The following SP4 variants were observed in gnomAD, a reference collection of about 807,000 sequenced individuals.
SP4 encodes the protein transcription factor Sp4.
SP4 carries 19 observed loss-of-function variants against 72.8 expected under a neutral mutation model. The ratio of observed to expected loss-of-function variants is 0.26; its 90% confidence interval spans 0.18 to 0.38. The LOEUF (loss-of-function observed/expected upper bound fraction) is 0.38. SP4 is among the 10% of genes least tolerant of loss of function. The probability of loss-of-function intolerance (pLI) is 1.00; values close to 1 mark genes in which losing one functional copy is unlikely to be tolerated. For synonymous variants in SP4, 395 were observed against 333.1 expected, an observed-to-expected ratio of 1.19 and a Z score of -2.02; for missense variants, 1,008 against 926.3, an observed-to-expected ratio of 1.09 and a Z score of -1.14.
intron 1 of SP4, 99 bp from the exon 2 acceptor site, chr7:21,428,578 T>C: frequency 8.9e-7 from 1 of 1,119,244 alleles, no homozygotes; most frequent in Non-Finnish European, 1.3e-6. Flanking sequence ...TGGAGATTAA[T>C]GTTCGGGGGG....
chr7:21,466,784 C>G (rs7779717), intron 3 of SP4, among the ~76,000 whole-genome samples: 1,795 of 149,174 alleles, frequency 0.012, 35 homozygotes, highest in African/African-American at 0.042. Flanking sequence ...ATTTTCAAAT[C>G]TAGGATTTTT....
rs376059823 is a variant in SP4, at chr7:21,461,674, GC to G, written c.1679-15402del. The stretch of plus-strand genomic sequence containing the variant: ...AGGGAGCCAGCTGCAGCCTCGGCCA[GC>G]CCGGAGAAGGGCTCCCACGATGCAG... On this transcript the variant is annotated intron_variant, in intron 3 of 5. Coordinates refer to ENST00000222584, the MANE Select transcript of SP4 (RefSeq NM_003112.5). 1.1e-3 allele frequency among the ~76,000 whole-genome samples: 161 copies of G among 152,316 alleles called. 1 individual carries two copies. The highest frequency in any genetic ancestry group is 3.8e-3 in the African/African-American group (156 of 41,588).
rs2128418649 is a variant in SP4 at position 21,514,098 on chromosome 7, C to T, written c.*2829C>T. 6.6e-6 allele frequency: 1 copy of T among 152,644 alleles called. No homozygotes were observed. Among genetic ancestry groups the T allele is most frequent in the East Asian group, 1.9e-4 (1 of 5,190 alleles). The allele number at this position is 152,644 out of a possible 1,614,324, so 9.5% of individuals were successfully genotyped here. ...AAGCTATGTATTTATCATGGTAAAA[C>T]TCCAGTGTTAGAATAGTTTTTTCTT... On this transcript the variant is annotated 3_prime_UTR_variant, in exon 6 of 6. Coordinates refer to ENST00000222584, the MANE Select transcript of SP4 (RefSeq NM_003112.5).
At chr7:21,464,095 T>C (rs1784084691) in intron 3 of SP4, among the ~76,000 whole-genome samples, 1 of 151,576 alleles carries the variant, frequency 6.6e-6, no homozygotes, top group Non-Finnish European at 1.5e-5. Flanking sequence ...TTCTTATATC[T>C]GATTCATTCC....
At chr7:21,470,358 G>A (rs1784296978) in intron 3 of SP4, among the ~76,000 whole-genome samples, 1 of 152,130 alleles carries the variant, frequency 6.6e-6, no homozygotes, top group Admixed American at 6.5e-5. Context: ...GAGTGAGATG[G>A]TGTCTTACTA....
At chr7:21,453,196 A>G (rs1467047535) in intron 3 of SP4, among the ~76,000 whole-genome samples, 2 of 152,236 alleles carry the variant, frequency 1.3e-5, no homozygotes, top group Non-Finnish European at 2.9e-5. Context: ...CTATTAGTTC[A>G]GTCCATGCAG....
intron 5 of SP4, among the ~76,000 whole-genome samples, chr7:21,505,790 T>TA (rs1317545729): frequency 6.6e-6 from 1 of 152,198 alleles, no homozygotes; most frequent in East Asian, 1.9e-4. Context: ...TGGAGTATTG[T>TA]AACATGCAGG....
chr7:21,511,125 A>T lies in SP4; in HGVS notation c.2211A>T (p.Thr737=). Residue 737 remains threonine, a synonymous_variant, in exon 6 of 6, where the codon ACA becomes ACT. Transcript: ENST00000222584. Reference sequence around the variant, plus strand: ...ACCAGAATAAAAAAGGTGGTGGGACAGCTCTTGCCATTGTTACCTCGGGAG... The same window carrying T: ...ACCAGAATAAAAAAGGTGGTGGGACTGCTCTTGCCATTGTTACCTCGGGAG... The part of the protein sequence containing the change: ...KTHQNKKGGG[T]ALAIVTSGEL... 1 of 1,614,224 alleles carries T rather than the reference A, an allele frequency of 6.2e-7. No individual in the cohort carries two copies. The highest frequency in any genetic ancestry group is 8.5e-7 in the Non-Finnish European group (1 of 1,180,028).
chr7:21,496,449 C>G (rs1477247705), intron 5 of SP4, among the ~76,000 whole-genome samples: 1 of 152,144 alleles, frequency 6.6e-6, no homozygotes, highest in Non-Finnish European at 1.5e-5. Context: ...GCCAAAGGGA[C>G]TCCTGAAAAT....
intron 5 of SP4, among the ~76,000 whole-genome samples, chr7:21,496,959 C>G (rs10238881): frequency 4.7e-4 from 72 of 152,254 alleles, no homozygotes; most frequent in Non-Finnish European, 2.1e-4. Context: ...ACATGTATGA[C>G]CTTCTAGATT....
rs555577529 is a variant in SP4 at position 21,513,981 on chromosome 7, A to G, written c.*2712A>G. On this transcript the variant is annotated 3_prime_UTR_variant, in exon 6 of 6. Transcript: ENST00000222584. The stretch of plus-strand genomic sequence containing the variant: ...ATAGCTGTTATAAGTAATAGGGCAC[A>G]GATGTGCAGTAGAGTCTTGTTTAAT... 2 of 152,770 alleles carry G rather than the reference A, an allele frequency of 1.3e-5. No homozygotes were observed. Among genetic ancestry groups the G allele is most frequent in the Admixed American group, 1.3e-4 (2 of 15,298 alleles). 9.5% of individuals were successfully genotyped at this position (152,770 alleles called of 1,614,324 possible).
At chr7:21,497,218 T>C (rs1781733475) in intron 5 of SP4, among the ~76,000 whole-genome samples, 1 of 152,182 alleles carries the variant, frequency 6.6e-6, no homozygotes, top group African/African-American at 2.4e-5. Context: ...GTTTTATAAG[T>C]GGAGTCTTCA....
intron 4 of SP4, among the ~76,000 whole-genome samples, chr7:21,480,701 AAGGTTCTTCAC>A (rs1247260031): frequency 1.3e-5 from 2 of 152,160 alleles, no homozygotes; most frequent in East Asian, 1.9e-4. Flanking sequence ...TGACCCTAAG[AAGGTTCTTCAC>A]AGCCTCTTTG....
intron 3 of SP4, among the ~76,000 whole-genome samples, chr7:21,432,083 A>C (rs941425996): frequency 6.6e-6 from 1 of 152,212 alleles, no homozygotes. Context: ...TTTTCTATCT[A>C]CCTAGCTACA....
chr7:21,509,982 A>G (rs1782101643), intron 5 of SP4, among the ~76,000 whole-genome samples: 1 of 152,214 alleles, frequency 6.6e-6, no homozygotes, highest in African/African-American at 2.4e-5. Context: ...GGTGGCAGGC[A>G]AAGAGAGAAT....
chr7:21,449,608 G>A (rs1013317454), intron 3 of SP4, among the ~76,000 whole-genome samples: 1 of 152,110 alleles, frequency 6.6e-6, no homozygotes, highest in African/African-American at 2.4e-5. Context: ...TATAATGTAT[G>A]TGTATAAAAA....
At chr7:21,498,246 A>G (rs1044088300) in intron 5 of SP4, among the ~76,000 whole-genome samples, 2 of 152,200 alleles carry the variant, frequency 1.3e-5, no homozygotes, top group African/African-American at 4.8e-5. Flanking sequence ...ATTAGTCATA[A>G]AAGTAATCTA....
In SP4 at chr7:21,428,203, C is replaced by CCCCCCCCCCCCAA; in HGVS notation, c.-49_-48insCCCCCCCCCCCAA. On this transcript the variant is annotated 5_prime_UTR_variant, in exon 1 of 6. Transcript: ENST00000222584. ...CTCCCGCCTCGCCCCCACCCCCACC[C>CCCCCCCCCCCCAA]ACCTCTATCCCAGTGTCTCCGTCTG... is the stretch of plus-strand genomic sequence containing the variant. 8.2e-7 allele frequency: 1 copy of CCCCCCCCCCCCAA among 1,216,720 alleles called. No homozygotes were observed. The allele number at this position is 1,216,720 out of a possible 1,614,324, so 75.4% of individuals were successfully genotyped here.
At chr7:21,463,756 T>C (rs1784075069) in intron 3 of SP4, among the ~76,000 whole-genome samples, 4 of 152,242 alleles carry the variant, frequency 2.6e-5, no homozygotes, top group Admixed American at 2.6e-4. Flanking sequence ...AATGTAGAAC[T>C]GATTTTTTTT....
Sources: allele counts gnomAD v4.1 joint callset (sites outside exome capture counted in the v4.1 genomes callset), GRCh38; gene constraint gnomAD v4.1.1; transcripts MANE v1.5; gene names NCBI Gene and HGNC (gene_info 2026-07-23, HGNC 2026-07-21).